The following IQCN variants were observed in gnomAD, a reference collection of about 807,000 sequenced individuals.
IQCN encodes the protein IQ motif containing N.
Under a neutral mutation model 64.4 loss-of-function variants are expected in IQCN, and 46 were observed. The ratio of observed to expected loss-of-function variants is 0.71; its 90% CI spans 0.56 to 0.91. The LOEUF is 0.91. IQCN is among the 40% of genes least tolerant of loss of function. The pLI is 0.00. For missense variants in IQCN, 1,753 were observed against 1,857.4 expected (o/e 0.94, Z 1.03); for synonymous variants, 733 against 775.6 (o/e 0.95, Z 0.91).
Position 18,265,504 on chromosome 19 carries a change from G to A in IQCN, c.2036C>T (p.Ser679Phe). Residue 679 changes from serine to phenylalanine, a missense_variant, in exon 3 of 4, where the codon TCC (serine) becomes TTC (phenylalanine). Physicochemically the swap from Ser to Phe is radical, Grantham distance 155. Coordinates refer to ENST00000392413, the MANE Select transcript of IQCN (RefSeq NM_001145304.2). This position sits in a 1 kb window ranked among gnomAD's most constrained non-coding sequence, Gnocchi z 4.7. ...ASSQRHPPCL[S>F]QRPLAAPLTK... ...CAGCGGGGCGGCCAGTGGTCTCTGG[G>A]ACAGGCAGGGTGGATGTCTCTGGGA... 6.2e-7 allele frequency: 1 copy of A among 1,612,936 alleles called. No homozygotes were observed.
chr19:18,262,937 C>T (rs567007829), intron 3 of IQCN, among the ~76,000 whole-genome samples: 1 of 152,316 alleles, frequency 6.6e-6, no homozygotes, highest in African/African-American at 2.4e-5. Flanking sequence ...CAATCAGATT[C>T]ACAGAGCTCT....
At chr19:18,273,699 G>A (rs1270353499) in intron 1 of IQCN, among the ~76,000 whole-genome samples, 1 of 152,184 alleles carries the variant, frequency 6.6e-6, no homozygotes, top group Non-Finnish European at 1.5e-5. Context: ...AACTCCTGAG[G>A]CAGGAAAATC....
chr19:18,265,409 T>C lies in IQCN; in HGVS notation c.2131A>G (p.Thr711Ala). 6.2e-7 allele frequency: 1 copy of C among 1,614,116 alleles called. No individual in the cohort carries two copies. The highest frequency in any genetic ancestry group is 8.5e-7 in the Non-Finnish European group (1 of 1,180,018). ...TGGGAATGCATCTTGCTCAGACAGGTGTCCAGATGGGCCAGGGATGGGGTC... is the reference window on the plus strand; with the variant it reads ...TGGGAATGCATCTTGCTCAGACAGGCGTCCAGATGGGCCAGGGATGGGGTC... ...TKTPSLAHLDTCLSKMHSQTH... is the reference protein window; with the variant it reads ...TKTPSLAHLDACLSKMHSQTH... Residue 711 changes from threonine to alanine, a missense_variant, in exon 3 of 4, where the codon ACC (threonine) becomes GCC (alanine). Physicochemically the swap from Thr to Ala is moderately conservative, Grantham distance 58 (BLOSUM62 0). Coordinates refer to ENST00000392413, the MANE Select transcript of IQCN (RefSeq NM_001145304.2). The surrounding 1 kb of genome is among the most constrained non-coding windows in gnomAD (Gnocchi z 4.7).
chr19:18,258,781 C>T (rs184616717), intron 3 of IQCN: 152 of 235,092 alleles, frequency 6.5e-4, no homozygotes, highest in Admixed American at 1.8e-3. Context: ...GGGGGTATGA[C>T]GTGAGTGACA....
Position 18,266,269 on chromosome 19 carries a change from G to A in IQCN, c.1271C>T (p.Thr424Met), listed in dbSNP as rs141411066. Reference sequence around the variant, plus strand: ...GGAAACCTGAGGTCGGTTCTTTGCCGTGATGGTCGCAGGGCATGTCTGCCG... The same window carrying A: ...GGAAACCTGAGGTCGGTTCTTTGCCATGATGGTCGCAGGGCATGTCTGCCG... ...TPRQTCPATITAKNRPQVSLL... is the reference protein window; with the variant it reads ...TPRQTCPATIMAKNRPQVSLL... Residue 424 changes from threonine (T) to methionine (M), a missense_variant, in exon 3 of 4, where the codon ACG becomes ATG. Coordinates refer to ENST00000392413, the MANE Select transcript of IQCN (RefSeq NM_001145304.2). This position sits in a 1 kb window ranked among gnomAD's most constrained non-coding sequence, Gnocchi z 4.3. The A allele has an allele frequency of 2.2e-5, 36 of 1,613,540 alleles. No homozygotes were observed. Among genetic ancestry groups the A allele is most frequent in the South Asian group, 1.2e-4 (11 of 91,018 alleles).
At chr19:18,274,185 G>C (rs907626954) in intron 1 of IQCN, among the ~76,000 whole-genome samples, 1 of 152,108 alleles carries the variant, frequency 6.6e-6, no homozygotes, top group Non-Finnish European at 1.5e-5. Flanking sequence ...CAAGGCTTTA[G>C]AGGTCCCTAG....
intron 3 of IQCN, chr19:18,261,356 G>A (rs60452015): frequency 0.27 from 40,489 of 150,852 alleles, 5,468 homozygotes; most frequent in Admixed American, 0.34. Context: ...CTCCAATGGT[G>A]TGAAATGGCA....
Position 18,265,034 on chromosome 19 carries a change from T to C in IQCN, c.2506A>G (p.Met836Val). The C allele has an allele frequency of 6.2e-7, 1 of 1,601,772 alleles. No homozygotes were observed. Among genetic ancestry groups the C allele is most frequent in the South Asian group, 1.1e-5 (1 of 91,070 alleles). Reference protein sequence around the residue: ...CEVQGMLVPPMAPTGHSTCNV... With the variant: ...CEVQGMLVPPVAPTGHSTCNV... ...CATGTGGAATGGCCGGTGGGTGCCA[T>C]CGGCGGCACCAGCATACCCTGGACC... is the stretch of plus-strand genomic sequence containing the variant. The change falls in exon 3 of 4, where the codon ATG becomes GTG. Residue 836 changes from methionine (M) to valine (V), a missense_variant. Met to Val is a conservative substitution (Grantham distance 21). Coordinates refer to ENST00000392413, the MANE Select transcript of IQCN (RefSeq NM_001145304.2). The surrounding 1 kb of genome is among the most constrained non-coding windows in gnomAD (Gnocchi z 4.7).
At position 18,264,354 on chromosome 19, in the gene IQCN, A is replaced by G; in HGVS notation, c.3177+9T>C. The stretch of plus-strand genomic sequence containing the variant: ...AACAACCCCAGATCCCAACCTGGGA[A>G]TCCCTGACCTTGCTGGTCTGTGGTC... On this transcript the variant is annotated intron_variant, in intron 3 of 3. Coordinates refer to ENST00000392413, the MANE Select transcript of IQCN (RefSeq NM_001145304.2). The surrounding 1 kb of genome is among the most constrained non-coding windows in gnomAD (Gnocchi z 4.3). 3 of 1,458,396 alleles carry G rather than the reference A, an allele frequency of 2.1e-6. No homozygotes were observed. Among genetic ancestry groups the G allele is most frequent in the Non-Finnish European group, 2.7e-6 (3 of 1,105,622 alleles). The allele number at this position is 1,458,396 out of a possible 1,614,324, so 90.3% of individuals were successfully genotyped here.
chr19:18,267,041 C>A lies in IQCN; in HGVS notation c.499G>T (p.Ala167Ser), dbSNP rs201062666. ...TGCTGGAAGCGCACCTGCTGTGGGG[C>A]GTGATAAGGTATGTCCCCCTCCTCC... ...RAEEGDIPYH[A>S]PQQVRFQHPE... is the part of the protein sequence containing the mutation. Residue 167 changes from alanine to serine, a missense_variant, in exon 3 of 4, where the codon GCC (alanine) becomes TCC (serine). By Grantham distance (99) the Ala-to-Ser change is moderately conservative. Coordinates refer to ENST00000392413, the MANE Select transcript of IQCN (RefSeq NM_001145304.2). 3 of 1,614,226 alleles carry A rather than the reference C, an allele frequency of 1.9e-6. No homozygotes were observed. The highest frequency in any genetic ancestry group is 2.2e-5 in the South Asian group (2 of 91,092).
chr19:18,271,913 G>A (rs538621929), intron 1 of IQCN, among the ~76,000 whole-genome samples: 3 of 151,976 alleles, frequency 2.0e-5, no homozygotes, highest in Admixed American at 1.3e-4. Context: ...GGGTTCAAGC[G>A]ATTCTCCTGC....
chr19:18,257,946 C>A lies in IQCN; in HGVS notation c.3338G>T (p.Arg1113Leu), dbSNP rs778676149. The A allele has an allele frequency of 5.6e-6, 9 of 1,612,754 alleles. No individual in the cohort carries two copies. The African/African-American group carries it at 9.3e-5, about 17-fold the overall frequency. Residue 1113 changes from arginine to leucine, a missense_variant, in exon 4 of 4, where the codon CGC (arginine) becomes CTC (leucine). Transcript: ENST00000392413. ...MVSMQAAEEI[R>L]ILAVITIQAG... ...CTGGATAGTGATCACTGCGAGGATG[C>A]GGATCTCCTCTGCAGCCTGCATGGA... is the stretch of plus-strand genomic sequence containing the variant.
chr19:18,266,780 C>T lies in IQCN; in HGVS notation c.760G>A (p.Asp254Asn), dbSNP rs2148106584. ...AGCAGGCATGGCTGGCATTTTGCGT[C>T]CAGACTCACTGGGCAGGGAAATCTG... ...TIRFPCPVSL[D>N]AKCQPCLLTR... The change falls in exon 3 of 4, where the codon GAC becomes AAC. Residue 254 changes from aspartate (D) to asparagine (N), a missense_variant. Coordinates refer to ENST00000392413, the MANE Select transcript of IQCN (RefSeq NM_001145304.2). The surrounding 1 kb of genome is among the most constrained non-coding windows in gnomAD (Gnocchi z 4.3). The T allele has an allele frequency of 6.2e-7, 1 of 1,614,180 alleles. No individual in the cohort carries two copies. Among genetic ancestry groups the T allele is most frequent in the Non-Finnish European group, 8.5e-7 (1 of 1,180,016 alleles).
At chr19:18,272,936 C>T (rs1969772079) in intron 1 of IQCN, among the ~76,000 whole-genome samples, 1 of 151,836 alleles carries the variant, frequency 6.6e-6, no homozygotes, top group Admixed American at 6.6e-5. Context: ...TTAAACAAGA[C>T]ATAACGAAAG....
In IQCN at chr19:18,264,785, C is replaced by T; in HGVS notation, c.2755G>A (p.Val919Ile). The T allele has an allele frequency of 6.4e-7, 1 of 1,551,870 alleles. No individual in the cohort carries two copies. The highest frequency in any genetic ancestry group is 8.7e-7 in the Non-Finnish European group (1 of 1,147,260). ...AALNQALSKE[V>I]LGATVTKALP... The stretch of plus-strand genomic sequence containing the variant: ...GCTTTGGTGACAGTGGCACCCAGGA[C>T]CTCCTTGGACAGGGCCTGGTTCAGA... Residue 919 changes from valine to isoleucine, a missense_variant, in exon 3 of 4, where the codon GTC becomes ATC. Transcript: ENST00000392413. This position sits in a 1 kb window ranked among gnomAD's most constrained non-coding sequence, Gnocchi z 4.3.
chr19:18,266,108 T>C lies in IQCN; in HGVS notation c.1432A>G (p.Lys478Glu). 6.2e-7 allele frequency: 1 copy of C among 1,613,962 alleles called. No individual in the cohort carries two copies. Among genetic ancestry groups the C allele is most frequent in the South Asian group, 1.1e-5 (1 of 91,072 alleles). The change falls in exon 3 of 4, where the codon AAG (lysine) becomes GAG (glutamate). Residue 478 changes from lysine to glutamate, a missense_variant. Lys to Glu is a moderately conservative substitution (Grantham distance 56). Transcript: ENST00000392413. This position sits in a 1 kb window ranked among gnomAD's most constrained non-coding sequence, Gnocchi z 4.3. The part of the protein sequence containing the change: ...LQTCLSATMS[K>E]TSSQRSPVGV... ...ACTGGGCTCCTCTGGGATGAAGTCT[T>C]GGACATTGTGGCTGACAGACATGTT...
At position 18,267,013 on chromosome 19, in the gene IQCN, G is replaced by A. The variant is rs760902608; in HGVS notation, c.527C>T (p.Pro176Leu). Reference protein sequence around the residue: ...HAPQQVRFQHPEENRLLSPPI... With the variant: ...HAPQQVRFQHLEENRLLSPPI... ...CGGGGACAGAAGGCGGTTCTCTTCC[G>A]GATGCTGGAAGCGCACCTGCTGTGG... The change falls in exon 3 of 4, where the codon CCG becomes CTG. Residue 176 changes from proline (P) to leucine (L), a missense_variant. Physicochemically the swap from Pro to Leu is moderately conservative, Grantham distance 98. Coordinates refer to ENST00000392413, the MANE Select transcript of IQCN (RefSeq NM_001145304.2). The A allele has an allele frequency of 2.1e-4, 339 of 1,614,114 alleles. No homozygotes were observed. The highest frequency in any genetic ancestry group is 2.7e-4 in the Non-Finnish European group (314 of 1,180,042).
chr19:18,259,808 G>T (rs1259613416), intron 3 of IQCN: 1 of 152,326 alleles, frequency 6.6e-6, no homozygotes. Flanking sequence ...CCAGTCTGTT[G>T]GGCACTGAAG....
In IQCN at chr19:18,261,983, A is replaced by G. The variant is rs543904889; in HGVS notation, c.3177+2380T>C. On this transcript the variant is annotated intron_variant, in intron 3 of 3. Transcript: ENST00000392413. ...AGCTTGGGGACACCTCAGTGAGCTG[A>G]GATGGGTAGCCTGGGCTTGGGGACA... 4 of 153,428 alleles carry G rather than the reference A, an allele frequency of 2.6e-5. No individual in the cohort carries two copies. The South Asian group carries it at 6.0e-4, about 23-fold the overall frequency. 9.5% of individuals were successfully genotyped at this position (153,428 alleles called of 1,614,324 possible). A position where few individuals can be genotyped will look rare whatever the true frequency, so the allele number is the denominator to read the frequency against.
Sources: gnomAD v4.1 joint callset for allele counts (sites outside exome capture counted in the v4.1 genomes callset) on GRCh38, gnomAD v4.1.1 for gene constraint, Gnocchi (gnomAD v3.1) non-coding constraint, MANE v1.5 for transcripts, NCBI Gene and HGNC (gene_info 2026-07-23, HGNC 2026-07-21) for gene names.